Variants in KIAA1549L observed in about 807,000 individuals in gnomAD.
KIAA1549L encodes the protein UPF0606 protein KIAA1549L.
Under a neutral mutation model 160.7 loss-of-function variants are expected in KIAA1549L, and 88 were observed. The observed-to-expected ratio is 0.55, with a 90% CI of 0.46 to 0.65. KIAA1549L has a LOEUF of 0.65. Among genes scored for constraint, KIAA1549L ranks in the 30% least tolerant of loss-of-function variants. KIAA1549L has a pLI of 0.00. For missense variants in KIAA1549L, 2,258 were observed against 2,437.5 expected, an observed-to-expected ratio of 0.93 and a Z score of 1.55; for synonymous variants, 950 against 976.7, an observed-to-expected ratio of 0.97 and a Z score of 0.51.
chr11:33,394,394 TAAA>T (rs1304571805), intron 1 of KIAA1549L, among the ~76,000 whole-genome samples: 1 of 57,314 alleles, frequency 1.7e-5, no homozygotes, highest in Non-Finnish European at 3.0e-5. Flanking sequence ...TCATAAATAA[TAAA>T]TAAATAAATA....
At chr11:33,444,437 T>C (rs1024003231) in intron 1 of KIAA1549L, among the ~76,000 whole-genome samples, 3 of 152,206 alleles carry the variant, frequency 2.0e-5, no homozygotes, top group African/African-American at 7.2e-5. Flanking sequence ...TAAAAATCTG[T>C]CCATTCATAA....
intron 12 of KIAA1549L, among the ~76,000 whole-genome samples, chr11:33,597,725 G>C (rs1008549535): frequency 6.6e-6 from 1 of 152,122 alleles, no homozygotes; most frequent in African/African-American, 2.4e-5. Context: ...CCCGCCCTGA[G>C]GAAGGAAAGA....
intron 11 of KIAA1549L, among the ~76,000 whole-genome samples, chr11:33,586,574 A>AGAGG (rs1590370711): frequency 6.6e-6 from 1 of 152,144 alleles, no homozygotes; most frequent in East Asian, 1.9e-4. Context: ...TTTCCCTGGA[A>AGAGG]GAGGCCACCT....
In KIAA1549L at chr11:33,559,733, T is replaced by C; in HGVS notation, c.3856-16T>C. On this transcript the variant is annotated splice_polypyrimidine_tract_variant and intron_variant, in intron 6 of 20. Coordinates refer to ENST00000658780, the MANE Select transcript of KIAA1549L (RefSeq NM_012194.3). ...TTTGGCCTGTCTCCCTCCCCTTTTC[T>C]CCTGTGTTGATTCAGATTGTGAGCA... 6.2e-7 allele frequency: 1 copy of C among 1,612,858 alleles called. No homozygotes were observed. Among genetic ancestry groups the C allele is most frequent in the Non-Finnish European group, 8.5e-7 (1 of 1,178,996 alleles).
At chr11:33,500,480 A>C (rs1002673289) in intron 1 of KIAA1549L, among the ~76,000 whole-genome samples, 8 of 152,330 alleles carry the variant, frequency 5.3e-5, no homozygotes, top group Non-Finnish European at 1.0e-4. Context: ...TTAAAACTCA[A>C]GTCATAGCAA....
chr11:33,571,582 A>G (rs1298192086), intron 9 of KIAA1549L, among the ~76,000 whole-genome samples: 5 of 152,196 alleles, frequency 3.3e-5, no homozygotes, highest in Non-Finnish European at 7.3e-5. Flanking sequence ...AGCAGGTCTC[A>G]CATGGCAGGA....
At chr11:33,497,441 G>A (rs184374619) in intron 1 of KIAA1549L, among the ~76,000 whole-genome samples, 10 of 151,988 alleles carry the variant, frequency 6.6e-5, no homozygotes, top group Admixed American at 2.0e-4. Flanking sequence ...TTTGTCTTGG[G>A]GCCCCATTTA....
At chr11:33,518,208 C>T (rs1853399018) in intron 1 of KIAA1549L, among the ~76,000 whole-genome samples, 1 of 140,066 alleles carries the variant, frequency 7.1e-6, no homozygotes, top group Admixed American at 7.2e-5. Context: ...CAAGATTAAT[C>T]TATGTCTACA....
intron 5 of KIAA1549L, among the ~76,000 whole-genome samples, chr11:33,551,752 T>C (rs1854471109): frequency 6.6e-6 from 1 of 152,144 alleles, no homozygotes; most frequent in Admixed American, 6.5e-5. Flanking sequence ...CTCAATCAAC[T>C]TAGCAATGGA....
chr11:33,596,636 G>A (rs751402583), intron 12 of KIAA1549L, among the ~76,000 whole-genome samples: 1 of 152,178 alleles, frequency 6.6e-6, no homozygotes, highest in Non-Finnish European at 1.5e-5. Flanking sequence ...CTACTCTGAT[G>A]GTTGAGGCAG....
intron 1 of KIAA1549L, among the ~76,000 whole-genome samples, chr11:33,453,372 G>A (rs1387754300): frequency 6.6e-6 from 1 of 152,114 alleles, no homozygotes; most frequent in Non-Finnish European, 1.5e-5. Context: ...ACTGGGGTGG[G>A]GGATGCCTCA....
Position 33,543,391 on chromosome 11 carries a change from C to G in KIAA1549L, c.1828C>G (p.Pro610Ala). 6.2e-7 allele frequency: 1 copy of G among 1,614,018 alleles called. No individual in the cohort carries two copies. The highest frequency in any genetic ancestry group is 8.5e-7 in the Non-Finnish European group (1 of 1,179,872). The change falls in exon 2 of 21, where the codon CCC becomes GCC. Residue 610 changes from proline (P) to alanine (A), a missense_variant. Physicochemically the swap from Pro to Ala is conservative, Grantham distance 27. Coordinates refer to ENST00000658780, the MANE Select transcript of KIAA1549L (RefSeq NM_012194.3). ...SDFSTGSVSS[P>A]IITAPRTNPL... is the part of the protein sequence containing the mutation. ...TTTCAGCACCGGTAGTGTCTCATCT[C>G]CCATCATTACAGCACCAAGGACGAA...
intron 1 of KIAA1549L, among the ~76,000 whole-genome samples, chr11:33,419,720 G>A (rs972809434): frequency 6.6e-6 from 1 of 152,070 alleles, no homozygotes; most frequent in East Asian, 1.9e-4. Context: ...GGTGGCACAC[G>A]CTTGTAACCC....
intron 1 of KIAA1549L, among the ~76,000 whole-genome samples, chr11:33,488,421 G>A (rs1852579297): frequency 6.6e-6 from 1 of 152,122 alleles, no homozygotes; most frequent in Admixed American, 6.6e-5. Flanking sequence ...TGGGAAGGGA[G>A]GCCAAAATGA....
At chr11:33,623,017 G>A (rs1019681224) in intron 16 of KIAA1549L, among the ~76,000 whole-genome samples, 1 of 152,220 alleles carries the variant, frequency 6.6e-6, no homozygotes, top group Admixed American at 6.5e-5. Flanking sequence ...GCAGAACAAT[G>A]AAATATTATC....
At chr11:33,433,488 G>A (rs1851293499) in intron 1 of KIAA1549L, among the ~76,000 whole-genome samples, 1 of 152,178 alleles carries the variant, frequency 6.6e-6, no homozygotes, top group Non-Finnish European at 1.5e-5. Context: ...TACACTGTTG[G>A]TGGGAATGTA....
Position 33,609,742 on chromosome 11 carries a change from T to C in KIAA1549L, c.5062-7T>C. On this transcript the variant is annotated splice_region_variant and splice_polypyrimidine_tract_variant and intron_variant, in intron 14 of 20. Coordinates refer to ENST00000658780, the MANE Select transcript of KIAA1549L (RefSeq NM_012194.3). The stretch of plus-strand genomic sequence containing the variant: ...AGGTTTGGGCCTGAGACTGCCTCTC[T>C]CCCCAGGTGAACAAAGCCCTGAAGC... The C allele has an allele frequency of 6.3e-7, 1 of 1,596,982 alleles. No homozygotes were observed. Among genetic ancestry groups the C allele is most frequent in the Non-Finnish European group, 8.5e-7 (1 of 1,172,110 alleles).
chr11:33,493,571 G>A (rs1159045738), intron 1 of KIAA1549L, among the ~76,000 whole-genome samples: 1 of 152,176 alleles, frequency 6.6e-6, no homozygotes, highest in Non-Finnish European at 1.5e-5. Flanking sequence ...CATGTGGAGT[G>A]TTTCCTATAG....
At chr11:33,623,945 C>T (rs1851027251) in intron 16 of KIAA1549L, among the ~76,000 whole-genome samples, 1 of 152,190 alleles carries the variant, frequency 6.6e-6, no homozygotes. Context: ...TTCTTGGTAC[C>T]TGCCTGCCCA....
Sources: gnomAD v4.1 joint callset for allele counts (sites outside exome capture counted in the v4.1 genomes callset) on GRCh38, gnomAD v4.1.1 for gene constraint, MANE v1.5 for transcripts, NCBI Gene and HGNC (gene_info 2026-07-23, HGNC 2026-07-21) for gene names.